TUBB6: variants seen among roughly 807,000 people sequenced by gnomAD.
The protein encoded by TUBB6 is tubulin beta-6 chain.
TUBB6 carries 18 observed loss-of-function variants against 32.3 expected under a neutral mutation model. That is an observed-to-expected ratio of 0.56 (90% CI 0.39 to 0.83). The LOEUF is 0.83. Ranked by LOEUF, TUBB6 falls within the 40% of genes least tolerant of loss-of-function variation. The pLI, the probability that TUBB6 is intolerant of heterozygous loss-of-function variation, is 0.00. For missense variants in TUBB6, 480 were observed against 632.0 expected (o/e 0.76, Z 2.58); for synonymous variants, 280 against 265.8 (o/e 1.05, Z -0.52).
chr18:12,317,680 C>T (rs1322493918), intron 3 of TUBB6, among the ~76,000 whole-genome samples: 2 of 152,132 alleles, frequency 1.3e-5, no homozygotes, highest in Non-Finnish European at 2.9e-5. Flanking sequence ...TTCCATCACC[C>T]ATTGTGAGCT....
At chr18:12,324,354 A>G (rs1030205338) in intron 3 of TUBB6, among the ~76,000 whole-genome samples, 1 of 152,138 alleles carries the variant, frequency 6.6e-6, no homozygotes, top group African/African-American at 2.4e-5. Flanking sequence ...TGGGCGACAG[A>G]GTGAGACTGC....
chr18:12,324,210 A>G (rs1907137618), intron 3 of TUBB6, among the ~76,000 whole-genome samples: 1 of 152,042 alleles, frequency 6.6e-6, no homozygotes, highest in Non-Finnish European at 1.5e-5. Flanking sequence ...TCTACTAAAA[A>G]TACAAAAATA....
downstream of TUBB6, among the ~76,000 whole-genome samples, chr18:12,328,510 C>A (rs745800311): frequency 2.6e-5 from 4 of 152,212 alleles, no homozygotes; most frequent in Non-Finnish European, 5.9e-5. Flanking sequence ...GAGCAGCTTA[C>A]CAGTCAGACC....
intron 1 of TUBB6, 64 bp from the exon 2 acceptor site, chr18:12,308,623 G>T: frequency 8.1e-7 from 1 of 1,232,768 alleles, no homozygotes; most frequent in South Asian, 1.2e-5. Context: ...TGGGGTGGGC[G>T]CGGGTGGCGG....
intron 1 of TUBB6, 112 bp downstream of exon 1, chr18:12,308,461 G>A: frequency 1.0e-6 from 1 of 957,320 alleles, no homozygotes; most frequent in Non-Finnish European, 1.4e-6. Flanking sequence ...CTGGGTCCTC[G>A]GAGCCCGGTG....
intron 3 of TUBB6, among the ~76,000 whole-genome samples, chr18:12,313,397 A>C (rs1906499642): frequency 6.6e-6 from 1 of 152,214 alleles, no homozygotes; most frequent in Non-Finnish European, 1.5e-5. Flanking sequence ...CACAAGATAA[A>C]ATATTCAGAA....
chr18:12,308,462 G>T (rs1012793829), intron 1 of TUBB6, 113 bp downstream of exon 1: 26 of 963,198 alleles, frequency 2.7e-5, no homozygotes, highest in Non-Finnish European at 3.3e-5. Context: ...TGGGTCCTCG[G>T]AGCCCGGTGC....
chr18:12,323,187 C>G (rs1346166950), intron 3 of TUBB6, among the ~76,000 whole-genome samples: 8 of 151,986 alleles, frequency 5.3e-5, no homozygotes, highest in African/African-American at 1.7e-4. Flanking sequence ...TGTACGCCAC[C>G]CTGGGTGACA....
downstream of TUBB6, among the ~76,000 whole-genome samples, chr18:12,327,043 G>T (rs146659115): frequency 1.3e-5 from 2 of 152,348 alleles, no homozygotes; most frequent in Admixed American, 1.3e-4. Context: ...ACTCCACGGG[G>T]CACGCACAGT....
chr18:12,325,226 G>A lies in TUBB6; in HGVS notation c.437G>A (p.Gly146Asp). ...TCGCTGGGCGGCGGCACGGGCTCAG[G>A]CATGGGCACGCTGCTCATCAGCAAG... Reference protein sequence around the residue: ...THSLGGGTGSGMGTLLISKIR... With the variant: ...THSLGGGTGSDMGTLLISKIR... The change falls in exon 4 of 4, where the codon GGC becomes GAC. Residue 146 changes from glycine (G) to aspartate (D), a missense_variant. Coordinates refer to ENST00000317702, the MANE Select transcript of TUBB6 (RefSeq NM_032525.3). 6.2e-7 allele frequency: 1 copy of A among 1,614,200 alleles called. No homozygotes were observed. The highest frequency in any genetic ancestry group is 8.5e-7 in the Non-Finnish European group (1 of 1,180,038).
At chr18:12,324,667 T>A in intron 3 of TUBB6, 1 of 637,852 alleles carries the variant, frequency 1.6e-6, no homozygotes, top group Non-Finnish European at 2.2e-6. Context: ...CCCAGGCTGG[T>A]CTCTAACTCC....
chr18:12,317,130 T>C (rs2144145129), intron 3 of TUBB6, among the ~76,000 whole-genome samples: 1 of 143,300 alleles, frequency 7.0e-6, no homozygotes, highest in East Asian at 2.0e-4. Context: ...CACTGCAGCC[T>C]GGGTGATGGA....
chr18:12,328,820 G>C (rs546179453), downstream of TUBB6: 5 of 291,062 alleles, frequency 1.7e-5, no homozygotes, highest in South Asian at 1.3e-4. Flanking sequence ...CCAACCTCCT[G>C]TGGGAGCTAA....
At chr18:12,315,778 G>A (rs1906641329) in intron 3 of TUBB6, among the ~76,000 whole-genome samples, 1 of 152,158 alleles carries the variant, frequency 6.6e-6, no homozygotes, top group Admixed American at 6.6e-5. Flanking sequence ...TGCTTTTTGA[G>A]ATAAAATAGG....
chr18:12,324,422 T>C (rs1907155213), intron 3 of TUBB6, among the ~76,000 whole-genome samples: 1 of 148,228 alleles, frequency 6.7e-6, no homozygotes, highest in African/African-American at 2.5e-5. Flanking sequence ...CAGTATAAGA[T>C]TCAGAAAGCC....
intron 3 of TUBB6, among the ~76,000 whole-genome samples, chr18:12,313,138 C>T (rs1184097536): frequency 1.0e-5 from 1 of 98,852 alleles, no homozygotes; most frequent in East Asian, 3.0e-4. Flanking sequence ...CAACATTACA[C>T]TCCCTGGTGA....
At chr18:12,319,176 T>C (rs1280087088) in intron 3 of TUBB6, among the ~76,000 whole-genome samples, 1 of 144,080 alleles carries the variant, frequency 6.9e-6, no homozygotes, top group Non-Finnish European at 1.5e-5. Context: ...GGAGTTTCGC[T>C]CTTGTTGCCC....
chr18:12,326,507 T>C lies in TUBB6; in HGVS notation c.*377T>C. The C allele has an allele frequency of 4.1e-6, 1 of 245,702 alleles. No individual in the cohort carries two copies. The highest frequency in any genetic ancestry group is 7.9e-6 in the Non-Finnish European group (1 of 127,142). 15.2% of individuals were successfully genotyped at this position (245,702 alleles called of 1,614,324 possible). A position where few individuals can be genotyped will look rare whatever the true frequency, so the allele number is the denominator to read the frequency against. ...TGAAATTGTGCCGTGTTGCCTTATA[T>C]GAATATGCAGTATGGGACTTTGAAA... On this transcript the variant is annotated 3_prime_UTR_variant, in exon 4 of 4. Coordinates refer to ENST00000317702, the MANE Select transcript of TUBB6 (RefSeq NM_032525.3).
chr18:12,318,264 G>A (rs1268808084), intron 3 of TUBB6, among the ~76,000 whole-genome samples: 1 of 151,572 alleles, frequency 6.6e-6, no homozygotes, highest in Non-Finnish European at 1.5e-5. Context: ...AGGTTGGGTG[G>A]GGAAGGGGTG....
Sources: gnomAD v4.1 joint callset for allele counts (sites outside exome capture counted in the v4.1 genomes callset) on GRCh38, gnomAD v4.1.1 for gene constraint, MANE v1.5 for transcripts, NCBI Gene and HGNC (gene_info 2026-07-23, HGNC 2026-07-21) for gene names.